The following ARFGEF3 variants were observed in gnomAD, a reference collection of about 807,000 sequenced individuals.
ARFGEF3 encodes ARFGEF family member 3, also known as brefeldin A-inhibited guanine nucleotide-exchange protein 3.
A neutral mutation model predicts 221.7 loss-of-function variants in ARFGEF3; 96 were observed. That is an observed-to-expected ratio of 0.43 (90% CI 0.37 to 0.51). The LOEUF is 0.51. ARFGEF3 is among the 20% of genes least tolerant of loss of function. The probability of loss-of-function intolerance (pLI) is 0.00; values close to 1 mark genes in which losing one functional copy is unlikely to be tolerated. For synonymous variants in ARFGEF3, 1,145 were observed against 1,126.8 expected, an observed-to-expected ratio of 1.02 and a Z score of -0.32; for missense variants, 2,410 against 2,789.9, an observed-to-expected ratio of 0.86 and a Z score of 3.07.
chr6:138,231,050 G>A (rs1027354624), intron 5 of ARFGEF3, among the ~76,000 whole-genome samples: 2 of 151,818 alleles, frequency 1.3e-5, no homozygotes, highest in Non-Finnish European at 3.0e-5. Context: ...CTGGGGGGAA[G>A]GGGAGACAAG....
At chr6:138,290,074 T>A in intron 18 of ARFGEF3, 106 bp downstream of exon 18, 1 of 1,062,750 alleles carries the variant, frequency 9.4e-7, no homozygotes, top group Non-Finnish European at 1.4e-6. Flanking sequence ...TGCCAGCATG[T>A]AAATCAATTA....
At chr6:138,168,775 A>G (rs1409691515) in intron 1 of ARFGEF3, among the ~76,000 whole-genome samples, 2 of 152,200 alleles carry the variant, frequency 1.3e-5, no homozygotes, top group Admixed American at 6.5e-5. Flanking sequence ...CATTACCCCC[A>G]GCAGGAAGCC....
At chr6:138,290,089 A>C (rs200380714) in intron 18 of ARFGEF3, 121 bp downstream of exon 18, 47 of 943,454 alleles carry the variant, frequency 5.0e-5, no homozygotes, top group East Asian at 4.7e-4. Context: ...CAATTATAAC[A>C]ATTCACAGAG....
At chr6:138,215,393 G>T (rs532059421) in intron 4 of ARFGEF3, among the ~76,000 whole-genome samples, 1 of 152,250 alleles carries the variant, frequency 6.6e-6, no homozygotes, top group African/African-American at 2.4e-5. Context: ...CTATTACTGG[G>T]TGTCTTTTTT....
At chr6:138,227,868 C>A (rs1022080671) in intron 4 of ARFGEF3, among the ~76,000 whole-genome samples, 1 of 151,944 alleles carries the variant, frequency 6.6e-6, no homozygotes, top group Admixed American at 6.6e-5. Context: ...TCTGAGGGGG[C>A]GACATCTAAG....
In ARFGEF3 at chr6:138,280,043, C is replaced by T. The variant is rs1562377773; in HGVS notation, c.2340C>T (p.Val780=). Residue 780 remains valine (V), a synonymous_variant, in exon 14 of 34, where the codon GTC becomes GTT. Coordinates refer to ENST00000251691, the MANE Select transcript of ARFGEF3 (RefSeq NM_020340.5). ...KQVQTSGVLM[V]FSQAWIEELY... ...TGCAGACCAGCGGCGTGCTGATGGT[C>T]TTCTCTCAGGCCTGGATTGAGGAGC... 6.2e-7 allele frequency: 1 copy of T among 1,613,880 alleles called. No individual in the cohort carries two copies. The highest frequency in any genetic ancestry group is 8.5e-7 in the Non-Finnish European group (1 of 1,179,830).
intron 2 of ARFGEF3, among the ~76,000 whole-genome samples, chr6:138,175,528 A>G (rs1411519121): frequency 2.0e-5 from 3 of 152,302 alleles, no homozygotes; most frequent in Admixed American, 6.5e-5. Context: ...CATCCTCCCC[A>G]TGTCCTTTTT....
chr6:138,206,343 CTT>C (rs542624433), intron 2 of ARFGEF3, among the ~76,000 whole-genome samples: 26 of 134,952 alleles, frequency 1.9e-4, no homozygotes, highest in African/African-American at 3.0e-4. Flanking sequence ...AATATCTCTC[CTT>C]TTTTTTTTTT....
In ARFGEF3 at chr6:138,209,920, C is replaced by T. The variant is rs1454008214; in HGVS notation, c.230C>T (p.Ser77Leu). ...HALAGMQKLL[S>L]EERFVSMETD... ...TGTGCCTCTTTACAGAAGCTTCTGTCGGAAGAGAGGTTTGTATCCATGGAA... is the reference window on the plus strand; with the variant it reads ...TGTGCCTCTTTACAGAAGCTTCTGTTGGAAGAGAGGTTTGTATCCATGGAA... Residue 77 changes from serine to leucine, a missense_variant, in exon 4 of 34, where the codon TCG becomes TTG. Ser to Leu is a moderately radical substitution (Grantham distance 145, BLOSUM62 -2). Transcript: ENST00000251691. 4 of 1,613,300 alleles carry T rather than the reference C, an allele frequency of 2.5e-6. No individual in the cohort carries two copies. The highest frequency in any genetic ancestry group is 1.6e-4 in the Middle Eastern group (1 of 6,082).
intron 4 of ARFGEF3, chr6:138,215,890 A>AG (rs1777838241): frequency 2.2e-5 from 2 of 89,050 alleles, no homozygotes; most frequent in Admixed American, 1.1e-4. Context: ...GTGTGTGTGA[A>AG]AGAGAGAGAG....
chr6:138,278,044 G>T (rs1013865479), intron 12 of ARFGEF3, among the ~76,000 whole-genome samples: 2 of 152,214 alleles, frequency 1.3e-5, no homozygotes, highest in African/African-American at 4.8e-5. Context: ...GGCAGTCAGG[G>T]TGGCTGCGGG....
At chr6:138,280,648 C>T (rs1272283028) in intron 14 of ARFGEF3, among the ~76,000 whole-genome samples, 6 of 152,148 alleles carry the variant, frequency 3.9e-5, no homozygotes, top group South Asian at 2.1e-4. Context: ...GTCAGGAGTT[C>T]GAGACCAGCC....
chr6:138,208,533 G>C (rs1005622342), intron 3 of ARFGEF3, among the ~76,000 whole-genome samples: 6 of 152,114 alleles, frequency 3.9e-5, no homozygotes, highest in African/African-American at 7.2e-5. Context: ...TTCTTCACAG[G>C]CTGCAACTCG....
intron 5 of ARFGEF3, 57 bp from the exon 6 acceptor site, chr6:138,238,452 G>A (rs1778334858): frequency 1.9e-6 from 3 of 1,565,872 alleles, no homozygotes; most frequent in African/African-American, 1.4e-5. Context: ...CCCAAAGAAT[G>A]TTGGTAATAA....
chr6:138,218,196 T>C, intron 4 of ARFGEF3: 1 of 1,613,934 alleles, frequency 6.2e-7, no homozygotes, highest in Non-Finnish European at 8.5e-7. Context: ...ATCAATGAAC[T>C]CTGTTGCCTT....
At chr6:138,172,179 CAT>C (rs1170059310) in intron 2 of ARFGEF3, among the ~76,000 whole-genome samples, 1 of 152,204 alleles carries the variant, frequency 6.6e-6, no homozygotes, top group South Asian at 2.1e-4. Context: ...CTGGCAACAA[CAT>C]GTTTGTCTAG....
chr6:138,269,673 T>C (rs1778962965), intron 12 of ARFGEF3, among the ~76,000 whole-genome samples: 1 of 151,998 alleles, frequency 6.6e-6, no homozygotes, highest in Non-Finnish European at 1.5e-5. Flanking sequence ...CCGGGCATGG[T>C]GGTGCGTGCC....
intron 20 of ARFGEF3, among the ~76,000 whole-genome samples, chr6:138,296,493 A>G (rs767033829): frequency 2.0e-5 from 3 of 152,196 alleles, no homozygotes; most frequent in Admixed American, 6.5e-5. Context: ...AAATGGTGCC[A>G]GGATTCGAAT....
At position 138,321,185 on chromosome 6, in the gene ARFGEF3, C is replaced by A; in HGVS notation, c.4726C>A (p.Pro1576Thr). Residue 1576 changes from proline to threonine, a missense_variant, in exon 29 of 34, where the codon CCC becomes ACC. Coordinates refer to ENST00000251691, the MANE Select transcript of ARFGEF3 (RefSeq NM_020340.5). ...GTTGCTGGTCGCCTGTGTGGCCAAG[C>A]CCACTGAAACCATCTCCAGAGTGGG... ...FELLVACVAK[P>T]TETISRVGCS... is the part of the protein sequence containing the mutation. 6.4e-7 allele frequency: 1 copy of A among 1,561,310 alleles called. No individual in the cohort carries two copies. Among genetic ancestry groups the A allele is most frequent in the Non-Finnish European group, 8.7e-7 (1 of 1,151,304 alleles).
Sources: allele counts gnomAD v4.1 joint callset (sites outside exome capture counted in the v4.1 genomes callset), GRCh38; gene constraint gnomAD v4.1.1; transcripts MANE v1.5; gene names NCBI Gene and HGNC (gene_info 2026-07-23, HGNC 2026-07-21).